WTAP: variants seen among roughly 807,000 people sequenced by gnomAD.
WTAP encodes the protein pre-mRNA-splicing regulator WTAP.
A neutral mutation model predicts 50.0 loss-of-function variants in WTAP; 8 were observed. That is an observed-to-expected ratio of 0.16 (90% CI 0.09 to 0.29). The LOEUF (loss-of-function observed/expected upper bound fraction) is 0.29. Ranked by LOEUF, WTAP falls within the 10% of genes least tolerant of loss-of-function variation. The pLI, the probability that WTAP is intolerant of heterozygous loss-of-function variation, is 1.00. For synonymous variants in WTAP, 194 were observed against 169.0 expected, an observed-to-expected ratio of 1.15 and a Z score of -1.15; for missense variants, 295 against 470.7, an observed-to-expected ratio of 0.63 and a Z score of 3.45.
At position 159,755,760 on chromosome 6, in the gene WTAP, C is replaced by CTTTTTTTTTTTTTTTTT. The variant is rs1779984995; in HGVS notation, c.*153_*154insTTTTTTTTTTTTTTTTT. Reference sequence around the variant, plus strand: ...TGTTTTTTTTCTTTGTTTTTTTTTTCTTTTCTTTTTTTTTTTTTTTTTTTT... The same window carrying CTTTTTTTTTTTTTTTTT: ...TGTTTTTTTTCTTTGTTTTTTTTTTCTTTTTTTTTTTTTTTTTTTTTCTTTTTTTTTTTTTTTTTTTT... On this transcript the variant is annotated 3_prime_UTR_variant, in exon 8 of 8. Coordinates refer to ENST00000621533, the MANE Select transcript of WTAP (RefSeq NM_001270531.2). 40 of 283,658 alleles carry CTTTTTTTTTTTTTTTTT rather than the reference C, an allele frequency of 1.4e-4. No individual in the cohort carries two copies. The highest frequency in any genetic ancestry group is 4.0e-4 in the African/African-American group (8 of 19,980). 17.6% of individuals were successfully genotyped at this position (283,658 alleles called of 1,614,324 possible).
intron 6 of WTAP, 47 bp from the exon 7 acceptor site, chr6:159,753,413 A>G: frequency 6.2e-7 from 1 of 1,613,034 alleles, no homozygotes; most frequent in Non-Finnish European, 8.5e-7. Context: ...AAGCAAAGAC[A>G]GAGAGTTTTG....
rs1299723144 is a variant in WTAP at position 159,738,974 on chromosome 6, G to T, written c.31-16G>T. On this transcript the variant is annotated splice_polypyrimidine_tract_variant and intron_variant, in intron 2 of 7. Coordinates refer to ENST00000621533, the MANE Select transcript of WTAP (RefSeq NM_001270531.2). ...TCAGGAAGAACACTAAATTCATATT[G>T]TAATTCTCTTTATAGGTTCGATTGA... The T allele has an allele frequency of 6.3e-7, 1 of 1,598,402 alleles. No homozygotes were observed. Among genetic ancestry groups the T allele is most frequent in the South Asian group, 1.1e-5 (1 of 89,980 alleles).
intron 1 of WTAP, among the ~76,000 whole-genome samples, chr6:159,732,698 C>T (rs1452787093): frequency 2.0e-5 from 3 of 152,042 alleles, no homozygotes; most frequent in African/African-American, 7.2e-5. Flanking sequence ...GTGGCAGGCA[C>T]CTGTAATCTC....
intron 4 of WTAP, 117 bp from the exon 5 acceptor site, chr6:159,743,544 GTAGT>G (rs1779387819): frequency 8.3e-6 from 8 of 958,212 alleles, no homozygotes; most frequent in Non-Finnish European, 1.2e-5. Context: ...TGTTATAAAA[GTAGT>G]TAGGATGGAA....
chr6:159,740,394 C>A (rs1038280240), intron 3 of WTAP, among the ~76,000 whole-genome samples: 1 of 152,092 alleles, frequency 6.6e-6, no homozygotes, highest in Admixed American at 6.6e-5. Flanking sequence ...GACTTTTAGG[C>A]GAGTTTTTTC....
chr6:159,731,481 A>G (rs907518733), intron 1 of WTAP, among the ~76,000 whole-genome samples: 9 of 152,132 alleles, frequency 5.9e-5, no homozygotes, highest in Non-Finnish European at 1.2e-4. Context: ...AAAAGAGAGG[A>G]AAAAAAGAAA....
intron 6 of WTAP, among the ~76,000 whole-genome samples, chr6:159,752,351 C>CT (rs934419970): frequency 4.7e-4 from 71 of 151,636 alleles, no homozygotes; most frequent in African/African-American, 1.2e-3. Context: ...GTGATCATTT[C>CT]TTTTTTTTTC....
chr6:159,755,000 A>T, intron 7 of WTAP, 28 bp from the exon 8 acceptor site: 1 of 1,563,702 alleles, frequency 6.4e-7, no homozygotes, highest in Non-Finnish European at 8.7e-7. Flanking sequence ...AAACGATATT[A>T]AAGTTGGTCT....
chr6:159,736,965 G>A (rs1266029581), intron 2 of WTAP, among the ~76,000 whole-genome samples: 1 of 152,156 alleles, frequency 6.6e-6, no homozygotes, highest in Non-Finnish European at 1.5e-5. Context: ...TTCCTATTGT[G>A]GAGTCAGATT....
chr6:159,750,648 C>G (rs929646802), intron 6 of WTAP, among the ~76,000 whole-genome samples: 1 of 150,258 alleles, frequency 6.7e-6, no homozygotes, highest in African/African-American at 2.5e-5. Context: ...GTCTCTTTGG[C>G]ATTTTTCCAT....
intron 1 of WTAP, among the ~76,000 whole-genome samples, chr6:159,729,152 C>G (rs1778410493): frequency 6.6e-6 from 1 of 152,164 alleles, no homozygotes; most frequent in Non-Finnish European, 1.5e-5. Context: ...CGTTCAAGGT[C>G]TCTTATGGTC....
At chr6:159,727,852 A>G in intron 1 of WTAP, 149 bp downstream of exon 1, 1 of 509,398 alleles carries the variant, frequency 2.0e-6, no homozygotes, top group Non-Finnish European at 2.5e-6. Context: ...GAGCCGCTCT[A>G]CCTTCCCGCC....
intron 1 of WTAP, 37 bp downstream of exon 1, chr6:159,727,740 G>C (rs1485034782): frequency 1.0e-6 from 1 of 985,068 alleles, no homozygotes; most frequent in Non-Finnish European, 1.2e-6. Context: ...GGACGCGGGG[G>C]ACCTCCGGGG....
chr6:159,739,140 ATGT>A (rs1779092622), intron 3 of WTAP, 95 bp downstream of exon 3: 3 of 997,158 alleles, frequency 3.0e-6, no homozygotes, highest in Non-Finnish European at 3.0e-6. Context: ...ATTGTTTTTA[ATGT>A]TGTTCTATCC....
At position 159,738,972 on chromosome 6, in the gene WTAP, T is replaced by C. The variant is rs376554744; in HGVS notation, c.31-18T>C. 155 of 1,596,570 alleles carry C rather than the reference T, an allele frequency of 9.7e-5. No individual in the cohort carries two copies. The highest frequency in any genetic ancestry group is 1.3e-4 in the Non-Finnish European group (151 of 1,166,266). On this transcript the variant is annotated intron_variant, in intron 2 of 7. Coordinates refer to ENST00000621533, the MANE Select transcript of WTAP (RefSeq NM_001270531.2). ...CTTCAGGAAGAACACTAAATTCATA[T>C]TGTAATTCTCTTTATAGGTTCGATT...
At position 159,748,101 on chromosome 6, in the gene WTAP, G is replaced by C; in HGVS notation, c.274-90G>C. ...AGGGGAGGAGCTTAATGAAAGAGTTGGTAAATCAAGTGAATGGAGGGAGTT... is the reference window on the plus strand; with the variant it reads ...AGGGGAGGAGCTTAATGAAAGAGTTCGTAAATCAAGTGAATGGAGGGAGTT... On this transcript the variant is annotated intron_variant, in intron 5 of 7. Transcript: ENST00000621533. This position sits in a 1 kb window ranked among gnomAD's most constrained non-coding sequence, Gnocchi z 5.6. 6.9e-7 allele frequency: 1 copy of C among 1,455,848 alleles called. No individual in the cohort carries two copies. The highest frequency in any genetic ancestry group is 9.3e-7 in the Non-Finnish European group (1 of 1,078,008). The allele number at this position is 1,455,848 out of a possible 1,614,324, so 90.2% of individuals were successfully genotyped here. A position where few individuals can be genotyped will look rare whatever the true frequency, so the allele number is the denominator to read the frequency against.
rs1474439749 is a variant in WTAP at position 159,727,607 on chromosome 6, C to A, written c.-105C>A. ...CGGCGGGGCCGGCGGCAGAGCTGTCCGGCTGCGCGGTGGCCCGGGGGGCCC... is the reference window on the plus strand; with the variant it reads ...CGGCGGGGCCGGCGGCAGAGCTGTCAGGCTGCGCGGTGGCCCGGGGGGCCC... On this transcript the variant is annotated 5_prime_UTR_variant, in exon 1 of 8. Transcript: ENST00000621533. 5 of 986,202 alleles carry A rather than the reference C, an allele frequency of 5.1e-6. No individual in the cohort carries two copies. Among genetic ancestry groups the A allele is most frequent in the Non-Finnish European group, 6.0e-6 (5 of 830,670 alleles). 61.1% of individuals were successfully genotyped at this position (986,202 alleles called of 1,614,324 possible). A position where few individuals can be genotyped will look rare whatever the true frequency, so the allele number is the denominator to read the frequency against.
chr6:159,731,420 A>T (rs890772973), intron 1 of WTAP, among the ~76,000 whole-genome samples: 1 of 152,130 alleles, frequency 6.6e-6, no homozygotes, highest in Non-Finnish European at 1.5e-5. Flanking sequence ...GTGAGCTGTG[A>T]TCGAGTCACT....
chr6:159,755,340 C>T lies in WTAP; in HGVS notation c.920C>T (p.Pro307Leu). Residue 307 changes from proline (P) to leucine (L), a missense_variant, in exon 8 of 8, where the codon CCA becomes CTA. By Grantham distance (98) the Pro-to-Leu change is moderately conservative. Around this residue, in one of 2 missense-constraint regions of WTAP, gnomAD observed 175 missense variants for 183.1 expected, o/e 0.96. Transcript: ENST00000621533. ...NTTEDDFPSS[P>L]GNGNKSSNSS... ...ACCGAAGATGACTTTCCTTCTTCTC[C>T]AGGGAATGGTAATAAGTCCTCCAAC... 1.2e-6 allele frequency: 2 copies of T among 1,614,190 alleles called. No homozygotes were observed. Among genetic ancestry groups the T allele is most frequent in the South Asian group, 1.1e-5 (1 of 91,088 alleles).
Sources: gnomAD v4.1 joint callset for allele counts (sites outside exome capture counted in the v4.1 genomes callset) on GRCh38, gnomAD v4.1.1 for gene constraint, gnomAD v4.1.1 regional missense constraint, Gnocchi (gnomAD v3.1) non-coding constraint, MANE v1.5 for transcripts, NCBI Gene and HGNC (gene_info 2026-07-23, HGNC 2026-07-21) for gene names.